Variants in EXT2 observed in about 807,000 individuals in gnomAD.
EXT2 encodes exostosin glycosyltransferase 2.
EXT2 carries 53 observed loss-of-function variants against 81.6 expected under a neutral mutation model. That is an observed-to-expected ratio of 0.65 (90% CI 0.52 to 0.82). EXT2 has a LOEUF of 0.82. Among genes scored for constraint, EXT2 ranks in the 40% least tolerant of loss-of-function variants. The probability of loss-of-function intolerance (pLI) is 0.00; values close to 1 mark genes in which losing one functional copy is unlikely to be tolerated. For missense variants in EXT2, 774 were observed against 910.2 expected (o/e 0.85, Z 1.93); for synonymous variants, 320 against 340.0 (o/e 0.94, Z 0.65).
rs200260030 is a variant in EXT2 at position 44,214,928 on chromosome 11, C to CG, written c.1662+7975dup. On this transcript the variant is annotated intron_variant, in intron 10 of 13. Coordinates refer to ENST00000533608, the MANE Select transcript of EXT2 (RefSeq NM_207122.2). The stretch of plus-strand genomic sequence containing the variant: ...CACTATGGCTAATTTTATTTTTTGG[C>CG]GGGGGGTGGGGGCGGTAGACAAGCT... 5.8e-3 allele frequency among the ~76,000 whole-genome samples: 859 copies of CG among 149,362 alleles called. 16 individuals are homozygous for CG. In the East Asian group the frequency reaches 0.066, roughly 12 times the overall value.
intron 3 of EXT2, among the ~76,000 whole-genome samples, 158 bp from the exon 4 acceptor site, chr11:44,114,027 G>A (rs978837333): frequency 1.3e-5 from 2 of 152,108 alleles, no homozygotes; most frequent in African/African-American, 2.4e-5. Flanking sequence ...TGATGGCCCC[G>A]AGATGCGTGT....
chr11:44,101,034 A>G (rs1452120241), intron 1 of EXT2, among the ~76,000 whole-genome samples: 1 of 152,014 alleles, frequency 6.6e-6, no homozygotes, highest in Admixed American at 6.5e-5. Context: ...TTGCCTGAGC[A>G]GGAAAGCAGT....
intron 7 of EXT2, among the ~76,000 whole-genome samples, chr11:44,138,985 A>G (rs1954608136): frequency 1.3e-5 from 2 of 152,172 alleles, no homozygotes; most frequent in African/African-American, 4.8e-5. Flanking sequence ...GTCTTAAAGA[A>G]CCACAGTAAG....
intron 8 of EXT2, 22 bp from the exon 9 acceptor site, chr11:44,197,807 G>A (rs756418465): frequency 5.6e-6 from 9 of 1,613,322 alleles, no homozygotes; most frequent in African/African-American, 1.3e-5. Context: ...TTTCTGACCC[G>A]TGTTAATCTG....
intron 7 of EXT2, 104 bp from the exon 8 acceptor site, chr11:44,171,507 G>A: frequency 6.4e-7 from 1 of 1,570,582 alleles, no homozygotes; most frequent in Non-Finnish European, 8.7e-7. Flanking sequence ...CTACAACTTT[G>A]GGAATAAAGG....
intron 10 of EXT2, 45 bp from the exon 11 acceptor site, chr11:44,232,308 G>A: frequency 6.2e-7 from 1 of 1,612,080 alleles, no homozygotes; most frequent in South Asian, 1.1e-5. Context: ...CTGAATGGTT[G>A]CTGTCTGAAT....
chr11:44,205,735 C>T lies in EXT2; in HGVS notation c.1496-1058C>T, dbSNP rs561578753. 4.6e-5 allele frequency among the ~76,000 whole-genome samples: 7 copies of T among 152,312 alleles called. No homozygotes were observed. In the South Asian group the frequency reaches 1.2e-3, roughly 27 times the overall value. The stretch of plus-strand genomic sequence containing the variant: ...TCATACTTCTTCTTCAGTATGGTGA[C>T]TTTGGAGTGGCCAGGAGCGCTTTGG... On this transcript the variant is annotated intron_variant, in intron 9 of 13. Transcript: ENST00000533608.
At chr11:44,163,007 C>T (rs1218225005) in intron 7 of EXT2, among the ~76,000 whole-genome samples, 1 of 152,086 alleles carries the variant, frequency 6.6e-6, no homozygotes, top group Non-Finnish European at 1.5e-5. Flanking sequence ...TTCAAAATCC[C>T]TTTTTATGTT....
At position 44,194,003 on chromosome 11, in the gene EXT2, A is replaced by G. The variant is rs138370297; in HGVS notation, c.1306-3826A>G. ...TTGTCTTGCCAGCGACTCTGGTTCC[A>G]TGTCCCTGGCAGCTCCTTGAAATCA... On this transcript the variant is annotated intron_variant, in intron 8 of 13. Transcript: ENST00000533608. 6.6e-5 allele frequency among the ~76,000 whole-genome samples: 10 copies of G among 152,298 alleles called. No homozygotes were observed. In the East Asian group the frequency reaches 1.7e-3, roughly 27 times the overall value.
rs141524494 is a variant in EXT2, at chr11:44,111,936, A to G, written c.627-2249A>G. On this transcript the variant is annotated intron_variant, in intron 3 of 13. Transcript: ENST00000533608. ...AATTTTTCCATATCACCAAATAGTCACTAAATATCTAGCCTTTGCTCATGT... is the reference window on the plus strand; with the variant it reads ...AATTTTTCCATATCACCAAATAGTCGCTAAATATCTAGCCTTTGCTCATGT... Among the ~76,000 whole-genome samples, 55 of 152,372 alleles carry G rather than the reference A, an allele frequency of 3.6e-4. 1 individual carries two copies. In the East Asian group the frequency reaches 7.5e-3, roughly 21 times the overall value.
chr11:44,196,367 T>C (rs1026792372), intron 8 of EXT2, among the ~76,000 whole-genome samples: 1 of 152,172 alleles, frequency 6.6e-6, no homozygotes, highest in African/African-American at 2.4e-5. Context: ...AATCTGAAAA[T>C]TCATGCCTCT....
intron 8 of EXT2, among the ~76,000 whole-genome samples, chr11:44,189,010 C>A (rs546474509): frequency 1.6e-4 from 24 of 152,084 alleles, no homozygotes; most frequent in African/African-American, 5.5e-4. Flanking sequence ...CTGCAGTAAA[C>A]CAAAGAAAAA....
intron 7 of EXT2, among the ~76,000 whole-genome samples, chr11:44,162,232 T>A (rs748929971): frequency 2.6e-5 from 4 of 152,212 alleles, no homozygotes; most frequent in Non-Finnish European, 5.9e-5. Context: ...CTCTGGCTAC[T>A]ATTGCAACTG....
chr11:44,230,576 GAGAT>G (rs1212390045), intron 10 of EXT2, among the ~76,000 whole-genome samples: 8 of 152,186 alleles, frequency 5.3e-5, no homozygotes, highest in African/African-American at 1.7e-4. Flanking sequence ...TTTAGACACA[GAGAT>G]AGACTTGCAC....
intron 7 of EXT2, among the ~76,000 whole-genome samples, chr11:44,134,111 G>A (rs1954532658): frequency 6.6e-6 from 1 of 152,212 alleles, no homozygotes; most frequent in Admixed American, 6.5e-5. Context: ...CGTGGCATTG[G>A]GCAGACTACT....
At chr11:44,192,090 C>T (rs1466652386) in intron 8 of EXT2, among the ~76,000 whole-genome samples, 41 of 152,316 alleles carry the variant, frequency 2.7e-4, no homozygotes, top group Admixed American at 2.7e-3. Context: ...TACCTGAGTT[C>T]CTCTCATTTC....
intron 10 of EXT2, among the ~76,000 whole-genome samples, chr11:44,221,014 T>G (rs1039078529): frequency 3.9e-5 from 6 of 152,212 alleles, no homozygotes; most frequent in African/African-American, 1.4e-4. Context: ...GTGGCACTTT[T>G]TTCTTCCCCA....
At chr11:44,232,800 A>G (rs899832034) in intron 11 of EXT2, among the ~76,000 whole-genome samples, 1 of 152,202 alleles carries the variant, frequency 6.6e-6, no homozygotes, top group Non-Finnish European at 1.5e-5. Context: ...GTATACACAG[A>G]CAGTTGTAAA....
rs886048282 is a variant in EXT2 at position 44,245,232 on chromosome 11, G to A, written c.*945G>A. Reference sequence around the variant, plus strand: ...GTCTGTACTAGCCATGCAAGGAGTCGCTCTAGCTGGTACCCGTAAAAGTTG... The same window carrying A: ...GTCTGTACTAGCCATGCAAGGAGTCACTCTAGCTGGTACCCGTAAAAGTTG... On this transcript the variant is annotated 3_prime_UTR_variant, in exon 14 of 14. Coordinates refer to ENST00000533608, the MANE Select transcript of EXT2 (RefSeq NM_207122.2). 14 of 227,106 alleles carry A rather than the reference G, an allele frequency of 6.2e-5. No homozygotes were observed. Among genetic ancestry groups the A allele is most frequent in the Non-Finnish European group, 1.1e-4 (13 of 113,986 alleles). 14.1% of individuals were successfully genotyped at this position (227,106 alleles called of 1,614,324 possible).
Sources: allele counts gnomAD v4.1 joint callset (sites outside exome capture counted in the v4.1 genomes callset), GRCh38; gene constraint gnomAD v4.1.1; transcripts MANE v1.5; gene names NCBI Gene and HGNC (gene_info 2026-07-23, HGNC 2026-07-21).